The following CHST11 variants were observed in gnomAD, a reference collection of about 807,000 sequenced individuals.
The protein encoded by CHST11 is C4S-1.
Under a neutral mutation model 30.4 loss-of-function variants are expected in CHST11, and 9 were observed. The observed-to-expected ratio is 0.30, with a 90% CI of 0.18 to 0.52. The LOEUF (loss-of-function observed/expected upper bound fraction) is 0.52, where lower values mean the gene tolerates loss of function less well. CHST11 is among the 20% of genes least tolerant of loss of function. CHST11 has a pLI of 0.97. For missense variants in CHST11, 348 were observed against 460.6 expected (o/e 0.76, Z 2.24); for synonymous variants, 152 against 187.8 (o/e 0.81, Z 1.56).
chr12:104,626,799 C>A (rs2039220299), intron 2 of CHST11, among the ~76,000 whole-genome samples: 1 of 152,012 alleles, frequency 6.6e-6, no homozygotes, highest in African/African-American at 2.4e-5. Context: ...CCTCCCCCGT[C>A]ATCAGCATCC....
chr12:104,583,417 T>C (rs7314698), intron 1 of CHST11, among the ~76,000 whole-genome samples: 47,627 of 151,640 alleles, frequency 0.31, 7,802 homozygotes, highest in East Asian at 0.43. Flanking sequence ...GTGAGGGAGA[T>C]TGGGGGACCG....
In CHST11 at chr12:104,476,900, A is replaced by G. The variant is rs113725625; in HGVS notation, c.118+19371A>G. On this transcript the variant is annotated intron_variant, in intron 1 of 2. Coordinates refer to ENST00000303694, the MANE Select transcript of CHST11 (RefSeq NM_018413.6). ...AAACTGTGTCCCCAGTCCCTGGCGT[A>G]TGACAGACTTGTAATAAAATAAATG... Among the ~76,000 whole-genome samples, 1,400 of 151,758 alleles carry G rather than the reference A, an allele frequency of 9.2e-3. 26 individuals are homozygous for G. The highest frequency in any genetic ancestry group is 0.032 in the African/African-American group (1,310 of 41,318).
At chr12:104,471,155 G>C (rs7301359) in intron 1 of CHST11, among the ~76,000 whole-genome samples, 19,404 of 152,058 alleles carry the variant, frequency 0.13, 1,772 homozygotes, top group East Asian at 0.26. Context: ...TGTCCTTCCT[G>C]TCATCCCTGT....
chr12:104,675,408 G>A (rs2039731911), intron 2 of CHST11, among the ~76,000 whole-genome samples: 1 of 152,132 alleles, frequency 6.6e-6, no homozygotes. Flanking sequence ...TTCCCCCTGG[G>A]TGATACAGAC....
chr12:104,743,418 G>A (rs1315748111), intron 2 of CHST11, among the ~76,000 whole-genome samples: 1 of 152,028 alleles, frequency 6.6e-6, no homozygotes, highest in African/African-American at 2.4e-5. Flanking sequence ...AGTGAGCAGG[G>A]GCAGCTGGGC....
At chr12:104,755,569 TG>T (rs1446397385) in intron 2 of CHST11, among the ~76,000 whole-genome samples, 2 of 152,122 alleles carry the variant, frequency 1.3e-5, no homozygotes, top group African/African-American at 4.8e-5. Context: ...GCCAATCACC[TG>T]AGGTCAGGAG....
At chr12:104,505,835 A>G (rs1014069322) in intron 1 of CHST11, among the ~76,000 whole-genome samples, 1 of 151,992 alleles carries the variant, frequency 6.6e-6, no homozygotes, top group Non-Finnish European at 1.5e-5. Context: ...TTATTTACCT[A>G]TTTTGTGTCT....
intron 2 of CHST11, among the ~76,000 whole-genome samples, chr12:104,741,072 A>G (rs2040342792): frequency 6.6e-6 from 1 of 152,266 alleles, no homozygotes; most frequent in Admixed American, 6.5e-5. Flanking sequence ...ATTGGGCACC[A>G]AGTGCCTGGG....
At chr12:104,682,205 G>A (rs1382333869) in intron 2 of CHST11, among the ~76,000 whole-genome samples, 2 of 152,190 alleles carry the variant, frequency 1.3e-5, no homozygotes, top group East Asian at 3.8e-4. Context: ...GTGGGATTGG[G>A]CTCTACTGGA....
chr12:104,694,952 G>A (rs578208056), intron 2 of CHST11, among the ~76,000 whole-genome samples: 2 of 152,294 alleles, frequency 1.3e-5, no homozygotes, highest in East Asian at 3.9e-4. Flanking sequence ...GGCTGAGGGG[G>A]TTCCCACCGG....
intron 2 of CHST11, among the ~76,000 whole-genome samples, chr12:104,749,739 A>G (rs1182206634): frequency 6.6e-6 from 1 of 152,198 alleles, no homozygotes; most frequent in African/African-American, 2.4e-5. Context: ...CTGAGGGGTT[A>G]TGACAGTTAC....
chr12:104,757,585 A>T lies in CHST11; in HGVS notation c.841A>T (p.Thr281Ser). 1 of 1,614,182 alleles carries T rather than the reference A, an allele frequency of 6.2e-7. No homozygotes were observed. Among genetic ancestry groups the T allele is most frequent in the Non-Finnish European group, 8.5e-7 (1 of 1,180,028 alleles). Residue 281 changes from threonine (T) to serine (S), a missense_variant, in exon 3 of 3, where the codon ACA becomes TCA. Physicochemically the swap from Thr to Ser is moderately conservative, Grantham distance 58. Coordinates refer to ENST00000303694, the MANE Select transcript of CHST11 (RefSeq NM_018413.6). This position sits in a 1 kb window ranked among gnomAD's most constrained non-coding sequence, Gnocchi z 6.5. ...CTATGACCTCGTGGGCAAGTACGAGACACTGGAAGAGGATTCTAATTACGT... is the reference window on the plus strand; with the variant it reads ...CTATGACCTCGTGGGCAAGTACGAGTCACTGGAAGAGGATTCTAATTACGT... Reference protein sequence around the residue: ...IHYDLVGKYETLEEDSNYVLQ... With the variant: ...IHYDLVGKYESLEEDSNYVLQ...
chr12:104,520,442 G>A (rs1042145849), intron 1 of CHST11, among the ~76,000 whole-genome samples: 2 of 152,106 alleles, frequency 1.3e-5, no homozygotes, highest in Non-Finnish European at 2.9e-5. Context: ...CATGGGTGGT[G>A]GTCAGGAGGA....
intron 2 of CHST11, among the ~76,000 whole-genome samples, chr12:104,641,732 C>T (rs1292333185): frequency 6.6e-6 from 1 of 152,176 alleles, no homozygotes; most frequent in African/African-American, 2.4e-5. Flanking sequence ...ACTGGGTGGA[C>T]CCTACCCACC....
intron 2 of CHST11, among the ~76,000 whole-genome samples, chr12:104,663,932 C>A (rs1349366979): frequency 6.6e-6 from 1 of 152,194 alleles, no homozygotes; most frequent in African/African-American, 2.4e-5. Flanking sequence ...ATTGTGTCTG[C>A]TGATAAAAAC....
At chr12:104,528,755 T>C (rs1267571062) in intron 1 of CHST11, among the ~76,000 whole-genome samples, 1 of 152,240 alleles carries the variant, frequency 6.6e-6, no homozygotes, top group Non-Finnish European at 1.5e-5. Flanking sequence ...TAGTTATTTT[T>C]CATTTTAAAA....
intron 1 of CHST11, among the ~76,000 whole-genome samples, chr12:104,554,579 G>A (rs1171514110): frequency 3.9e-5 from 6 of 152,202 alleles, no homozygotes; most frequent in Non-Finnish European, 8.8e-5. Context: ...TTTCACCCTG[G>A]GTACCAGGGA....
intron 2 of CHST11, among the ~76,000 whole-genome samples, chr12:104,675,212 G>A (rs558217145): frequency 3.3e-5 from 5 of 152,320 alleles, no homozygotes; most frequent in Admixed American, 1.3e-4. Flanking sequence ...AGTAGATGAC[G>A]ATAGTCGTCA....
chr12:104,485,227 TC>T (rs2037665511), intron 1 of CHST11, among the ~76,000 whole-genome samples: 1 of 152,178 alleles, frequency 6.6e-6, no homozygotes, highest in Non-Finnish European at 1.5e-5. Context: ...CTGAGGCGAT[TC>T]TGCTGCAGGA....
Sources: gnomAD v4.1 joint callset for allele counts (sites outside exome capture counted in the v4.1 genomes callset) on GRCh38, gnomAD v4.1.1 for gene constraint, Gnocchi (gnomAD v3.1) non-coding constraint, MANE v1.5 for transcripts, NCBI Gene and HGNC (gene_info 2026-07-23, HGNC 2026-07-21) for gene names.